CCNY: variants seen among roughly 807,000 people sequenced by gnomAD.
CCNY encodes the protein cyclin-Y.
In CCNY, 19 loss-of-function variants were observed where a neutral mutation model predicts 42.8. That is an observed-to-expected ratio of 0.44 (90% confidence interval 0.31 to 0.65). The LOEUF is 0.65. CCNY is among the 30% of genes least tolerant of loss of function. CCNY has a pLI of 0.07. For missense variants in CCNY, 370 were observed against 437.3 expected (o/e 0.85, Z 1.37); for synonymous variants, 165 against 162.7 (o/e 1.01, Z -0.11).
rs117543483 is a variant in CCNY at position 35,281,117 on chromosome 10, T to C, written c.-9+30491T>C. Among the ~76,000 whole-genome samples, 1,423 of 152,130 alleles carry C rather than the reference T, an allele frequency of 9.4e-3. 51 individuals are homozygous for C. In the East Asian group the frequency reaches 0.12, roughly 13 times the overall value. On this transcript the variant is annotated intron_variant, in intron 3 of 11. Coordinates refer to the CCNY transcript ENST00000374706. ...AAAAAGAGGGAGAATGTGGAGAAAT[T>C]GGAACCACTCACATACACTGGTGGG... is the stretch of plus-strand genomic sequence containing the variant.
chr10:35,493,689 G>T (rs1220308423), intron 2 of CCNY, among the ~76,000 whole-genome samples: 1 of 152,182 alleles, frequency 6.6e-6, no homozygotes, highest in Admixed American at 6.5e-5. Context: ...TAATCTTGGT[G>T]CATATGATCC....
At chr10:35,447,863 A>G (rs1279813786) in intron 1 of CCNY, among the ~76,000 whole-genome samples, 1 of 152,230 alleles carries the variant, frequency 6.6e-6, no homozygotes, top group Admixed American at 6.5e-5. Flanking sequence ...ATAAAGGCAT[A>G]ACAGGCAGGA....
intron 1 of CCNY, among the ~76,000 whole-genome samples, chr10:35,339,328 A>G (rs1275988140): frequency 6.6e-6 from 1 of 152,130 alleles, no homozygotes; most frequent in Non-Finnish European, 1.5e-5. Flanking sequence ...TGGCTGGGCA[A>G]ATCTTGGAAG....
intron 2 of CCNY, among the ~76,000 whole-genome samples, chr10:35,491,604 T>A (rs1373889443): frequency 1.3e-5 from 2 of 152,152 alleles, no homozygotes; most frequent in Non-Finnish European, 2.9e-5. Context: ...TCCTCTCCCT[T>A]GTCACCTAAT....
chr10:35,453,527 T>C (rs1838964015), intron 1 of CCNY, among the ~76,000 whole-genome samples: 1 of 152,222 alleles, frequency 6.6e-6, no homozygotes, highest in Non-Finnish European at 1.5e-5. Context: ...TTCTAATGAC[T>C]CAAAAGTTTT....
At chr10:35,259,465 C>T (rs1287937729) in intron 3 of CCNY, among the ~76,000 whole-genome samples, 4 of 145,852 alleles carry the variant, frequency 2.7e-5, no homozygotes. Flanking sequence ...CTGGGATTAT[C>T]GGCATAAACC....
intron 3 of CCNY, among the ~76,000 whole-genome samples, chr10:35,276,016 T>C (rs1404413749): frequency 2.6e-5 from 4 of 152,226 alleles, no homozygotes; most frequent in Non-Finnish European, 5.9e-5. Flanking sequence ...TAAGCAGCCA[T>C]AGTTCTTTGC....
Position 35,382,703 on chromosome 10 carries a change from G to C in CCNY, c.154+45496G>C, listed in dbSNP as rs1837215109. On this transcript the variant is annotated intron_variant, in intron 1 of 9. Transcript: ENST00000374704. ...GTGCTGAGCTTGAGACACTGACTTA[G>C]GGCAAGTTACTTAAACTTGCATGGC... is the stretch of plus-strand genomic sequence containing the variant. Among the ~76,000 whole-genome samples, 7 of 152,026 alleles carry C rather than the reference G, an allele frequency of 4.6e-5. No individual in the cohort carries two copies. In the South Asian group the frequency reaches 1.5e-3, roughly 32 times the overall value.
At chr10:35,257,214 TCCTCCCTC>T (rs774309229) in intron 3 of CCNY, among the ~76,000 whole-genome samples, 1 of 92,056 alleles carries the variant, frequency 1.1e-5, no homozygotes, top group East Asian at 3.4e-4. Flanking sequence ...TTTTCTTTTC[TCCTCCCTC>T]CCTCCCTCCC....
intron 1 of CCNY, among the ~76,000 whole-genome samples, chr10:35,362,888 C>G (rs1187092536): frequency 2.7e-5 from 4 of 150,686 alleles, no homozygotes; most frequent in Admixed American, 1.3e-4. Context: ...AGAGGTACTC[C>G]TTGCTTCCCA....
intron 1 of CCNY, among the ~76,000 whole-genome samples, chr10:35,442,743 G>C (rs1838700645): frequency 6.6e-6 from 1 of 152,168 alleles, no homozygotes; most frequent in Non-Finnish European, 1.5e-5. Context: ...TATTGATGTG[G>C]TTTGTGTTAT....
intron 3 of CCNY, among the ~76,000 whole-genome samples, chr10:35,290,222 T>TCACACACACACA (rs368209050): frequency 0.03 from 3,732 of 122,856 alleles, 92 homozygotes; most frequent in South Asian, 0.062. Context: ...CAAGACTCCA[T>TCACACACACACA]CACACACACA....
At chr10:35,560,700 T>C (rs547642211) in intron 8 of CCNY, among the ~76,000 whole-genome samples, 1 of 152,356 alleles carries the variant, frequency 6.6e-6, no homozygotes, top group South Asian at 2.1e-4. Context: ...GCTGGAGATA[T>C]CTGTGGACAT....
At chr10:35,376,641 A>C (rs1837057810) in intron 1 of CCNY, among the ~76,000 whole-genome samples, 1 of 152,230 alleles carries the variant, frequency 6.6e-6, no homozygotes, top group South Asian at 2.1e-4. Context: ...CAAATCCGAA[A>C]AAGCCTTTAA....
At chr10:35,265,991 A>G (rs1411609182) in intron 3 of CCNY, among the ~76,000 whole-genome samples, 1 of 152,214 alleles carries the variant, frequency 6.6e-6, no homozygotes, top group Non-Finnish European at 1.5e-5. Context: ...ATTCTAAATG[A>G]CATAAGCCAT....
intron 3 of CCNY, among the ~76,000 whole-genome samples, chr10:35,318,871 C>T (rs1835790945): frequency 6.6e-6 from 1 of 152,150 alleles, no homozygotes; most frequent in South Asian, 2.1e-4. Flanking sequence ...CCTCCCCTCC[C>T]CTTCCCTTGA....
chr10:35,431,182 TA>T (rs1392590218), intron 1 of CCNY, among the ~76,000 whole-genome samples: 1 of 152,046 alleles, frequency 6.6e-6, no homozygotes, highest in Non-Finnish European at 1.5e-5. Flanking sequence ...AATATGTTTA[TA>T]AACTAAGCCT....
At chr10:35,396,560 T>C (rs541295482) in intron 1 of CCNY, among the ~76,000 whole-genome samples, 2 of 152,370 alleles carry the variant, frequency 1.3e-5, no homozygotes, top group African/African-American at 4.8e-5. Context: ...AAATGAACCA[T>C]TTCTCTGTTG....
chr10:35,300,190 G>A (rs1460106282), intron 3 of CCNY, among the ~76,000 whole-genome samples: 2 of 152,210 alleles, frequency 1.3e-5, no homozygotes, highest in East Asian at 3.8e-4. Flanking sequence ...TGGATTTCGA[G>A]CTCTTGCTCT....
Sources: gnomAD v4.1 joint callset for allele counts (sites outside exome capture counted in the v4.1 genomes callset) on GRCh38, gnomAD v4.1.1 for gene constraint, MANE v1.5 for transcripts, NCBI Gene and HGNC (gene_info 2026-07-23, HGNC 2026-07-21) for gene names.